The following ATXN1 variants were observed in gnomAD, a reference collection of about 807,000 sequenced individuals.
ATXN1 encodes ataxin-1.
Under a neutral mutation model 56.4 loss-of-function variants are expected in ATXN1, and 8 were observed. That is an observed-to-expected ratio of 0.14 (90% CI 0.08 to 0.26). ATXN1 has a LOEUF of 0.26. ATXN1 is among the 10% of genes least tolerant of loss of function. The pLI, the probability that ATXN1 is intolerant of heterozygous loss-of-function variation, is 1.00. For synonymous variants in ATXN1, 514 were observed against 494.6 expected (o/e 1.04, Z -0.52); for missense variants, 987 against 1,106.5 (o/e 0.89, Z 1.53).
intron 6 of ATXN1, among the ~76,000 whole-genome samples, chr6:16,341,588 G>A (rs986352175): frequency 9.6e-5 from 14 of 145,286 alleles, no homozygotes; most frequent in Non-Finnish European, 3.0e-5. Context: ...GCGTGATCTC[G>A]GCTCACTGCA....
At chr6:16,493,931 G>A (rs1409308510) in intron 5 of ATXN1, among the ~76,000 whole-genome samples, 1 of 152,188 alleles carries the variant, frequency 6.6e-6, no homozygotes, top group Non-Finnish European at 1.5e-5. Context: ...AAGAGAAGCT[G>A]CCAGGGCTGC....
chr6:16,700,046 A>G (rs1355320633), intron 2 of ATXN1, among the ~76,000 whole-genome samples: 1 of 152,224 alleles, frequency 6.6e-6, no homozygotes, highest in Non-Finnish European at 1.5e-5. Flanking sequence ...TTATTAAGCC[A>G]TGGAAGCTTA....
intron 4 of ATXN1, among the ~76,000 whole-genome samples, chr6:16,531,474 T>G (rs1410955746): frequency 6.6e-6 from 1 of 151,942 alleles, no homozygotes. Flanking sequence ...TATACAAAAA[T>G]GAGCTGGGCG....
rs916563380 is a variant in ATXN1, at chr6:16,455,801, T to C, written c.-161+30171A>G. Among the ~76,000 whole-genome samples the C allele has an allele frequency of 4.6e-5, 7 of 152,118 alleles. No homozygotes were observed. The East Asian group carries it at 5.8e-4, about 13-fold the overall frequency. On this transcript the variant is annotated intron_variant, in intron 6 of 7. Coordinates refer to ENST00000436367, the MANE Select transcript of ATXN1 (RefSeq NM_001128164.2). ...GGAAATTTCCCGTCCTACAAAAGGATTGTAAAACACACCAATCAGGAACTT... is the reference window on the plus strand; with the variant it reads ...GGAAATTTCCCGTCCTACAAAAGGACTGTAAAACACACCAATCAGGAACTT...
intron 6 of ATXN1, among the ~76,000 whole-genome samples, chr6:16,359,238 C>T (rs1481670358): frequency 6.6e-6 from 1 of 152,114 alleles, no homozygotes; most frequent in Non-Finnish European, 1.5e-5. Flanking sequence ...CGAGGGAGGG[C>T]CTGAAGGCTG....
chr6:16,333,497 G>A (rs1410523270), intron 6 of ATXN1, among the ~76,000 whole-genome samples: 2 of 152,176 alleles, frequency 1.3e-5, no homozygotes, highest in Non-Finnish European at 2.9e-5. Flanking sequence ...GATGCTCTTA[G>A]AATTTGATAT....
At chr6:16,740,392 A>C (rs1210447998) in intron 2 of ATXN1, among the ~76,000 whole-genome samples, 1 of 152,192 alleles carries the variant, frequency 6.6e-6, no homozygotes, top group Non-Finnish European at 1.5e-5. Flanking sequence ...AGCTTCTTCT[A>C]ATCTCTTCTG....
chr6:16,549,317 T>G (rs772177530), intron 4 of ATXN1, among the ~76,000 whole-genome samples: 1 of 152,178 alleles, frequency 6.6e-6, no homozygotes. Context: ...GGCAGCACAG[T>G]AGGGTTGCAG....
chr6:16,741,561 G>A (rs1040220227), intron 2 of ATXN1, among the ~76,000 whole-genome samples: 16 of 152,274 alleles, frequency 1.1e-4, no homozygotes, highest in African/African-American at 3.8e-4. Context: ...GAAACTTTGC[G>A]ATTTCAGGTC....
intron 2 of ATXN1, chr6:16,752,994 CAA>C (rs1344021756): frequency 1.0e-5 from 3 of 292,352 alleles, no homozygotes; most frequent in Admixed American, 9.4e-5. Context: ...TCAATCATCG[CAA>C]AGTCAAATGA....
chr6:16,654,079 G>A (rs1231108031), intron 3 of ATXN1, among the ~76,000 whole-genome samples: 2 of 152,186 alleles, frequency 1.3e-5, no homozygotes, highest in Admixed American at 1.3e-4. Flanking sequence ...TTCGGAAGCA[G>A]GAGGTACTGG....
chr6:16,402,242 G>GTTTTTTTTTTTTTTTTTT (rs58048762), intron 6 of ATXN1, among the ~76,000 whole-genome samples: 1 of 62,118 alleles, frequency 1.6e-5, no homozygotes, highest in Non-Finnish European at 2.9e-5. Context: ...ACCACTGACA[G>GTTTTTTTTTTTTTTTTTT]TTTTTTTTTT....
At chr6:16,573,421 C>G (rs1341030361) in intron 4 of ATXN1, among the ~76,000 whole-genome samples, 1 of 152,144 alleles carries the variant, frequency 6.6e-6, no homozygotes, top group East Asian at 1.9e-4. Context: ...CTTTTCCTTT[C>G]CTGCCATCCT....
In ATXN1 at chr6:16,654,340, T is replaced by A. The variant is rs137954323; in HGVS notation, c.-489+3436A>T. Among the ~76,000 whole-genome samples, 1,373 of 152,042 alleles carry A rather than the reference T, an allele frequency of 9.0e-3. 21 individuals are homozygous for A. Among genetic ancestry groups the A allele is most frequent in the African/African-American group, 0.031 (1,280 of 41,468 alleles). ...GCAGATGGATCATGAGATCAAGAGA[T>A]CAAGACCATCCTGGCCAACATGGTG... On this transcript the variant is annotated intron_variant, in intron 3 of 7. Transcript: ENST00000436367.
intron 6 of ATXN1, among the ~76,000 whole-genome samples, chr6:16,399,000 T>C (rs1005189186): frequency 2.0e-5 from 3 of 152,240 alleles, no homozygotes; most frequent in Non-Finnish European, 4.4e-5. Flanking sequence ...TGCTATTCCA[T>C]TAAACATGCC....
intron 6 of ATXN1, among the ~76,000 whole-genome samples, chr6:16,459,835 G>T (rs1429627163): frequency 1.3e-5 from 2 of 152,150 alleles, no homozygotes; most frequent in African/African-American, 2.4e-5. Flanking sequence ...TTGGCTACCA[G>T]TTCGGAAGCT....
At chr6:16,594,052 C>G (rs900042095) in intron 3 of ATXN1, among the ~76,000 whole-genome samples, 4 of 147,720 alleles carry the variant, frequency 2.7e-5, no homozygotes, top group African/African-American at 9.9e-5. Context: ...CATATTAGTT[C>G]AATTATTATA....
Position 16,327,684 on chromosome 6 carries a change from A to ATGCTGCTGATGCTGATGC in ATXN1, c.626_627insGCATCAGCATCAGCAGCA (p.Gln208_His209insGlnHisGlnHisGlnGln). The stretch of plus-strand genomic sequence containing the variant: ...GCTGCTGCTGCTGCTGCTGATGCTG[A>ATGCTGCTGATGCTGATGC]TGCTGCTGCTGCTGCTGCTGCTGCT... On this transcript the variant is annotated inframe_insertion, in exon 7 of 8. Coordinates refer to ENST00000436367, the MANE Select transcript of ATXN1 (RefSeq NM_001128164.2). 1 of 1,471,632 alleles carries ATGCTGCTGATGCTGATGC rather than the reference A, an allele frequency of 6.8e-7. No homozygotes were observed. Among genetic ancestry groups the ATGCTGCTGATGCTGATGC allele is most frequent in the Non-Finnish European group, 9.0e-7 (1 of 1,111,336 alleles). 91.2% of individuals were successfully genotyped at this position (1,471,632 alleles called of 1,614,324 possible).
intron 2 of ATXN1, among the ~76,000 whole-genome samples, chr6:16,713,449 T>A (rs1021582480): frequency 3.3e-5 from 5 of 152,210 alleles, no homozygotes; most frequent in African/African-American, 1.2e-4. Flanking sequence ...TGTGTCAATA[T>A]CATTTGGGCT....
Sources: gnomAD v4.1 joint callset for allele counts (sites outside exome capture counted in the v4.1 genomes callset) on GRCh38, gnomAD v4.1.1 for gene constraint, MANE v1.5 for transcripts, NCBI Gene and HGNC (gene_info 2026-07-23, HGNC 2026-07-21) for gene names.